The following SVIL variants were observed in gnomAD, a reference collection of about 807,000 sequenced individuals.
SVIL encodes archvillin.
In SVIL, 101 loss-of-function variants were observed where a neutral mutation model predicts 240.4. The ratio of observed to expected loss-of-function variants is 0.42; its 90% CI spans 0.36 to 0.50. The LOEUF (loss-of-function observed/expected upper bound fraction) is 0.50, where lower values mean the gene tolerates loss of function less well. SVIL is among the 20% of genes least tolerant of loss of function. The pLI is 0.01. For missense variants in SVIL, 2,512 were observed against 2,818.7 expected (o/e 0.89, Z 2.46); for synonymous variants, 999 against 1,100.0 (o/e 0.91, Z 1.82).
Position 29,524,592 on chromosome 10 carries a change from A to T in SVIL, c.2466T>A (p.Phe822Leu), listed in dbSNP as rs753958241. Residue 822 changes from phenylalanine to leucine, a missense_variant, in exon 14 of 38, where the codon TTT becomes TTA. Coordinates refer to ENST00000355867, the MANE Select transcript of SVIL (RefSeq NM_021738.3). ...TLSLAEKLALFNKLSQPVSKA... is the reference protein window; with the variant it reads ...TLSLAEKLALLNKLSQPVSKA... Reference sequence around the variant, plus strand: ...TTGAGACTGGCTGGGACAATTTGTTAAACAAGGCCAACTTTTCGGCCAAGC... The same window carrying T: ...TTGAGACTGGCTGGGACAATTTGTTTAACAAGGCCAACTTTTCGGCCAAGC... The T allele has an allele frequency of 8.1e-6, 13 of 1,614,136 alleles. No homozygotes were observed. The highest frequency in any genetic ancestry group is 1.1e-5 in the Non-Finnish European group (13 of 1,180,026).
intron 3 of SVIL, among the ~76,000 whole-genome samples, chr10:29,560,649 T>C (rs1954369726): frequency 7.5e-6 from 1 of 133,552 alleles, no homozygotes; most frequent in Non-Finnish European, 1.6e-5. Context: ...AAAATAAAAT[T>C]ATAACCAAAT....
intron 1 of SVIL, among the ~76,000 whole-genome samples, chr10:29,722,268 G>A (rs190225891): frequency 1.0e-3 from 153 of 150,146 alleles, no homozygotes; most frequent in African/African-American, 3.6e-3. Context: ...AAAAAAAACT[G>A]CATCAGCAAG....
chr10:29,713,600 T>C (rs1963435361), intron 1 of SVIL, among the ~76,000 whole-genome samples: 2 of 152,182 alleles, frequency 1.3e-5, no homozygotes, highest in South Asian at 4.1e-4. Flanking sequence ...CAGGTCTCTG[T>C]CACAACTCTG....
intron 9 of SVIL, among the ~76,000 whole-genome samples, 187 bp downstream of exon 9, chr10:29,531,815 G>C (rs371704148): frequency 6.6e-6 from 1 of 152,080 alleles, no homozygotes; most frequent in Non-Finnish European, 1.5e-5. Context: ...TCATAATACC[G>C]CTGTAAAGGC....
Position 29,504,799 on chromosome 10 carries a change from A to G in SVIL, c.3517-5536T>C, listed in dbSNP as rs73596033. 6.8e-3 allele frequency among the ~76,000 whole-genome samples: 1,035 copies of G among 152,356 alleles called. 11 individuals are homozygous for G. The highest frequency in any genetic ancestry group is 0.023 in the African/African-American group (974 of 41,586). The stretch of plus-strand genomic sequence containing the variant: ...GGAAGACAGTTTGGAGGTTTCTCAC[A>G]GAACTAAACATACTCTTACCGTATG... On this transcript the variant is annotated intron_variant, in intron 17 of 37. Coordinates refer to ENST00000355867, the MANE Select transcript of SVIL (RefSeq NM_021738.3).
At chr10:29,703,343 C>T (rs1035536156) in intron 1 of SVIL, among the ~76,000 whole-genome samples, 1 of 152,156 alleles carries the variant, frequency 6.6e-6, no homozygotes, top group Non-Finnish European at 1.5e-5. Context: ...CCAGACCAGC[C>T]CCCCACTGCT....
At chr10:29,712,745 G>C (rs1026434226) in intron 1 of SVIL, among the ~76,000 whole-genome samples, 6 of 152,206 alleles carry the variant, frequency 3.9e-5, no homozygotes, top group African/African-American at 1.2e-4. Flanking sequence ...ACATAGCTGA[G>C]AAAAGCTGAA....
chr10:29,601,313 A>C (rs190283012), intron 1 of SVIL, among the ~76,000 whole-genome samples: 2 of 152,264 alleles, frequency 1.3e-5, no homozygotes, highest in Admixed American at 1.3e-4. Flanking sequence ...GCTGAAACTG[A>C]AAATTATAAA....
chr10:29,730,185 G>GA (rs1476667321), intron 1 of SVIL, among the ~76,000 whole-genome samples: 1 of 151,936 alleles, frequency 6.6e-6, no homozygotes, highest in Non-Finnish European at 1.5e-5. Context: ...CTCTAAAAAA[G>GA]AAAAAAGTAA....
intron 6 of SVIL, among the ~76,000 whole-genome samples, chr10:29,536,390 CT>C (rs1468403745): frequency 1.3e-5 from 2 of 152,054 alleles, no homozygotes; most frequent in Middle Eastern, 3.2e-3. Context: ...ACATGTACCC[CT>C]GAACCTAAAT....
At chr10:29,702,768 C>T (rs1962618306) in intron 1 of SVIL, among the ~76,000 whole-genome samples, 1 of 152,136 alleles carries the variant, frequency 6.6e-6, no homozygotes, top group Admixed American at 6.6e-5. Flanking sequence ...GTTCCTGTCC[C>T]CACGCAGCTG....
chr10:29,713,460 C>T (rs779977848), intron 1 of SVIL, among the ~76,000 whole-genome samples: 19 of 152,180 alleles, frequency 1.2e-4, no homozygotes, highest in Non-Finnish European at 2.6e-4. Flanking sequence ...TACAGCATTC[C>T]TCCACGATCT....
chr10:29,467,882 G>A lies in SVIL; in HGVS notation c.5844-7C>T. ...TCCTGCTTCCAGGGGACATCTGCAA[G>A]GGAGAAACTCCAAGAGTTCTTTATA... On this transcript the variant is annotated splice_polypyrimidine_tract_variant and splice_region_variant and intron_variant, in intron 32 of 37. Transcript: ENST00000355867. 6.2e-7 allele frequency: 1 copy of A among 1,614,050 alleles called. No homozygotes were observed. Among genetic ancestry groups the A allele is most frequent in the East Asian group, 2.2e-5 (1 of 44,886 alleles).
At chr10:29,620,615 A>G (rs1957594589) in intron 1 of SVIL, among the ~76,000 whole-genome samples, 1 of 152,140 alleles carries the variant, frequency 6.6e-6, no homozygotes. Context: ...GAAGTGAGGT[A>G]TTATCCCTGC....
intron 29 of SVIL, among the ~76,000 whole-genome samples, chr10:29,479,517 C>T (rs117824639): frequency 0.061 from 9,243 of 152,250 alleles, 397 homozygotes; most frequent in Non-Finnish European, 0.094. Flanking sequence ...CCCCACTGGC[C>T]GTGTGCTCAG....
intron 2 of SVIL, among the ~76,000 whole-genome samples, chr10:29,668,889 C>G (rs905309933): frequency 1.3e-5 from 2 of 152,140 alleles, no homozygotes; most frequent in East Asian, 1.9e-4. Flanking sequence ...GCCTACACAC[C>G]CAGACCAAAA....
chr10:29,688,816 C>A (rs1234348282), intron 1 of SVIL, among the ~76,000 whole-genome samples: 12 of 152,074 alleles, frequency 7.9e-5, no homozygotes, highest in Non-Finnish European at 1.8e-4. Context: ...TTTTAATACA[C>A]TTATTATGTG....
intron 34 of SVIL, among the ~76,000 whole-genome samples, chr10:29,464,341 AG>A (rs1182875776): frequency 3.3e-5 from 5 of 152,204 alleles, no homozygotes; most frequent in Admixed American, 6.5e-5. Context: ...CAGGAAGCTA[AG>A]GAGAGAGGAT....
At chr10:29,586,074 G>A (rs183976779) in intron 1 of SVIL, among the ~76,000 whole-genome samples, 28 of 152,320 alleles carry the variant, frequency 1.8e-4, no homozygotes, top group African/African-American at 6.7e-4. Context: ...AAGTTTGGAA[G>A]AAACTCAAAC....
Sources: allele counts gnomAD v4.1 joint callset (sites outside exome capture counted in the v4.1 genomes callset), GRCh38; gene constraint gnomAD v4.1.1; transcripts MANE v1.5; gene names NCBI Gene and HGNC (gene_info 2026-07-23, HGNC 2026-07-21).